The following GREB1L variants were observed in gnomAD, a reference collection of about 807,000 sequenced individuals.
GREB1L encodes the protein GREB1 like retinoic acid receptor coactivator, also known as GREB1-like protein.
Under a neutral mutation model 200.8 loss-of-function variants are expected in GREB1L, and 17 were observed. The observed-to-expected ratio is 0.08, with a 90% CI of 0.06 to 0.13. GREB1L has a LOEUF of 0.13. Ranked by LOEUF, GREB1L falls within the 10% of genes least tolerant of loss-of-function variation. The pLI, the probability that GREB1L is intolerant of heterozygous loss-of-function variation, is 1.00. For missense variants in GREB1L, 1,657 were observed against 2,367.7 expected, an observed-to-expected ratio of 0.70 and a Z score of 6.23; for synonymous variants, 789 against 893.0, an observed-to-expected ratio of 0.88 and a Z score of 2.08.
At chr18:21,391,571 C>T (rs1296510457) in intron 4 of GREB1L, among the ~76,000 whole-genome samples, 6 of 152,202 alleles carry the variant, frequency 3.9e-5, no homozygotes, top group Non-Finnish European at 7.3e-5. Flanking sequence ...TCTACTGTTT[C>T]TGGTGGTTGA....
At chr18:21,360,385 A>AT (rs59582263) in intron 1 of GREB1L, among the ~76,000 whole-genome samples, 1,886 of 145,930 alleles carry the variant, frequency 0.013, 39 homozygotes, top group African/African-American at 0.042. Flanking sequence ...CACCTAGCTA[A>AT]TTTTTTTTTT....
At chr18:21,487,146 C>G (rs2036158780) in intron 18 of GREB1L, among the ~76,000 whole-genome samples, 1 of 152,190 alleles carries the variant, frequency 6.6e-6, no homozygotes, top group Non-Finnish European at 1.5e-5. Context: ...TTTAAGCATT[C>G]CTACCCACCT....
intron 7 of GREB1L, among the ~76,000 whole-genome samples, chr18:21,416,303 A>G (rs765007652): frequency 2.0e-5 from 3 of 152,214 alleles, no homozygotes; most frequent in Non-Finnish European, 1.5e-5. Context: ...AACAACTACA[A>G]GCAGCCTAAT....
At chr18:21,249,577 G>T (rs758025648) in intron 1 of GREB1L, among the ~76,000 whole-genome samples, 1 of 152,108 alleles carries the variant, frequency 6.6e-6, no homozygotes, top group African/African-American at 2.4e-5. Context: ...ATATCTGGCC[G>T]GGTGTGGTGG....
chr18:21,475,153 A>C (rs1299501900), intron 16 of GREB1L, among the ~76,000 whole-genome samples: 1 of 152,140 alleles, frequency 6.6e-6, no homozygotes. Context: ...AAGATGAATG[A>C]GCTCCTGGAA....
At chr18:21,316,194 G>T (rs2038866052) in intron 1 of GREB1L, among the ~76,000 whole-genome samples, 2 of 152,016 alleles carry the variant, frequency 1.3e-5, no homozygotes, top group African/African-American at 2.4e-5. Context: ...ACAGGGTCCA[G>T]GGCAAGGGAG....
At chr18:21,303,750 T>G (rs1225610906) in intron 1 of GREB1L, among the ~76,000 whole-genome samples, 1 of 152,254 alleles carries the variant, frequency 6.6e-6, no homozygotes, top group Admixed American at 6.5e-5. Context: ...TCTATTAAAT[T>G]TAACACGTTT....
intron 1 of GREB1L, among the ~76,000 whole-genome samples, chr18:21,304,817 A>G (rs2038674459): frequency 6.6e-6 from 1 of 152,122 alleles, no homozygotes; most frequent in South Asian, 2.1e-4. Context: ...ATTCCCACCT[A>G]GGGGCTGTTA....
chr18:21,429,820 ATCTAATTTGATGGCTATAT>A (rs1345672882), intron 7 of GREB1L, among the ~76,000 whole-genome samples: 1 of 152,154 alleles, frequency 6.6e-6, no homozygotes, highest in East Asian at 1.9e-4. Context: ...AATTAGATTT[ATCTAATTTGATGGCTATAT>A]TAGTTTGCGA....
At chr18:21,301,317 A>C (rs2038614038) in intron 1 of GREB1L, among the ~76,000 whole-genome samples, 1 of 152,182 alleles carries the variant, frequency 6.6e-6, no homozygotes, top group African/African-American at 2.4e-5. Context: ...AGGTGCTGGT[A>C]TCTTGGAAGG....
chr18:21,490,373 C>G, intron 19 of GREB1L, 22 bp downstream of exon 19: 1 of 1,532,154 alleles, frequency 6.5e-7, no homozygotes, highest in African/African-American at 1.4e-5. Flanking sequence ...ACAGACATTT[C>G]TCCTTTAAAA....
intron 7 of GREB1L, among the ~76,000 whole-genome samples, chr18:21,435,743 G>A (rs1450851607): frequency 6.6e-6 from 1 of 152,158 alleles, no homozygotes; most frequent in African/African-American, 2.4e-5. Context: ...AGAGGTGAGT[G>A]GGTGGTGGTT....
At position 21,444,000 on chromosome 18, in the gene GREB1L, G is replaced by A. The variant is rs546772126; in HGVS notation, c.1208-224G>A. On this transcript the variant is annotated intron_variant, in intron 10 of 32. Coordinates refer to ENST00000424526, the MANE Select transcript of GREB1L (RefSeq NM_001142966.3). ...GAACGTGGAACCCACAGACATAGAGGGCCAACTGTATTTTCTTTCCTGTTC... is the reference window on the plus strand; with the variant it reads ...GAACGTGGAACCCACAGACATAGAGAGCCAACTGTATTTTCTTTCCTGTTC... 2.0e-5 allele frequency among the ~76,000 whole-genome samples: 3 copies of A among 152,272 alleles called. No individual in the cohort carries two copies. In the East Asian group the frequency reaches 5.8e-4, roughly 29 times the overall value.
At chr18:21,399,470 T>TGGATGGAC (rs1223790198) in intron 5 of GREB1L, among the ~76,000 whole-genome samples, 1 of 150,938 alleles carries the variant, frequency 6.6e-6, no homozygotes, top group Non-Finnish European at 1.5e-5. Context: ...GATGGATGGA[T>TGGATGGAC]GGATGGATGG....
chr18:21,260,794 AG>A (rs2037877689), intron 1 of GREB1L, among the ~76,000 whole-genome samples: 1 of 151,966 alleles, frequency 6.6e-6, no homozygotes, highest in South Asian at 2.1e-4. Flanking sequence ...ATGATAGTCC[AG>A]CTGCCATTGT....
chr18:21,444,684 G>A (rs529447158), intron 11 of GREB1L, among the ~76,000 whole-genome samples: 3 of 152,262 alleles, frequency 2.0e-5, no homozygotes, highest in African/African-American at 7.2e-5. Flanking sequence ...CTCCAAAGTA[G>A]TTAAGGTAGG....
chr18:21,277,090 A>G (rs1437472878), intron 1 of GREB1L, among the ~76,000 whole-genome samples: 2 of 151,876 alleles, frequency 1.3e-5, no homozygotes, highest in African/African-American at 2.4e-5. Context: ...CACCACGCCC[A>G]GCCAATTTTT....
intron 1 of GREB1L, among the ~76,000 whole-genome samples, chr18:21,315,716 G>A (rs1265373443): frequency 3.3e-5 from 5 of 152,088 alleles, no homozygotes; most frequent in Non-Finnish European, 7.4e-5. Context: ...CTAACAGACT[G>A]CTAAAGTACG....
intron 5 of GREB1L, among the ~76,000 whole-genome samples, chr18:21,398,124 C>T (rs2041163336): frequency 6.6e-6 from 1 of 152,120 alleles, no homozygotes; most frequent in Admixed American, 6.6e-5. Flanking sequence ...GGAAAAGACA[C>T]AGAAAACACC....
Sources: gnomAD v4.1 joint callset for allele counts (sites outside exome capture counted in the v4.1 genomes callset) on GRCh38, gnomAD v4.1.1 for gene constraint, MANE v1.5 for transcripts, NCBI Gene and HGNC (gene_info 2026-07-23, HGNC 2026-07-21) for gene names.